Variants in STARD3 observed in about 807,000 individuals in gnomAD.
STARD3 encodes StAR related lipid transfer domain containing 3.
In STARD3, 39 loss-of-function variants were observed where a neutral mutation model predicts 62.0. The ratio of observed to expected loss-of-function variants is 0.63; its 90% CI spans 0.49 to 0.82. The LOEUF (loss-of-function observed/expected upper bound fraction) is 0.82. Ranked by LOEUF, STARD3 falls within the 40% of genes least tolerant of loss-of-function variation. STARD3 has a pLI of 0.00. For synonymous variants in STARD3, 229 were observed against 242.4 expected (o/e 0.94, Z 0.51); for missense variants, 543 against 584.5 (o/e 0.93, Z 0.73).
Position 39,663,485 on chromosome 17 carries a change from T to G in STARD3, c.*577T>G. ...ACATGAATTTAAAAAAAAAAAAAAA[T>G]TCCAGCCCCTCCCACTGCCTTGCCT... On this transcript the variant is annotated 3_prime_UTR_variant, in exon 15 of 15. Coordinates refer to ENST00000336308, the MANE Select transcript of STARD3 (RefSeq NM_006804.4). 6.5e-6 allele frequency: 1 copy of G among 153,600 alleles called. No homozygotes were observed. Among genetic ancestry groups the G allele is most frequent in the Non-Finnish European group, 1.4e-5 (1 of 69,836 alleles). The allele number at this position is 153,600 out of a possible 1,614,324, so 9.5% of individuals were successfully genotyped here.
chr17:39,657,605 GCAAGGTTACATCC>G (rs1228150857), intron 3 of STARD3, among the ~76,000 whole-genome samples, 157 bp from the exon 4 acceptor site: 1 of 151,986 alleles, frequency 6.6e-6, no homozygotes, highest in African/African-American at 2.4e-5. Flanking sequence ...AGACCCCTGT[GCAAGGTTACATCC>G]AAATTGTCCC....
intron 1 of STARD3, among the ~76,000 whole-genome samples, chr17:39,645,973 C>G (rs1012051078): frequency 6.8e-6 from 1 of 146,120 alleles, no homozygotes; most frequent in East Asian, 2.1e-4. Context: ...CTCACTGCAA[C>G]CTTCGCCCCT....
chr17:39,659,232 G>T (rs2057167397), intron 8 of STARD3, 126 bp downstream of exon 8: 4 of 1,257,144 alleles, frequency 3.2e-6, no homozygotes, highest in Non-Finnish European at 4.5e-6. Context: ...ATGCCCATCC[G>T]AGTGTCTCCC....
intron 1 of STARD3, among the ~76,000 whole-genome samples, chr17:39,647,887 G>C (rs1346867798): frequency 6.6e-6 from 1 of 152,196 alleles, no homozygotes; most frequent in Non-Finnish European, 1.5e-5. Context: ...GCTCATGCCT[G>C]TAATCCCAGT....
Position 39,660,721 on chromosome 17 carries a change from T to C in STARD3, c.955-89T>C. 4 of 1,469,352 alleles carry C rather than the reference T, an allele frequency of 2.7e-6. No individual in the cohort carries two copies. The highest frequency in any genetic ancestry group is 2.3e-5 in the East Asian group (1 of 43,906). The allele number at this position is 1,469,352 out of a possible 1,614,324, so 91.0% of individuals were successfully genotyped here. ...GCTGCCCAGGGCCTGCCTGTGGCAATAGCAGTTAGTAAAGGGGCCTGGGGT... is the reference window on the plus strand; with the variant it reads ...GCTGCCCAGGGCCTGCCTGTGGCAACAGCAGTTAGTAAAGGGGCCTGGGGT... On this transcript the variant is annotated intron_variant, in intron 11 of 14. Transcript: ENST00000336308. The surrounding 1 kb of genome is among the most constrained non-coding windows in gnomAD (Gnocchi z 4.8).
intron 2 of STARD3, among the ~76,000 whole-genome samples, chr17:39,656,352 T>A (rs564764939): frequency 6.6e-6 from 1 of 152,222 alleles, no homozygotes; most frequent in East Asian, 1.9e-4. Context: ...CAGGTCGCAG[T>A]CTGGCCTGGT....
intron 1 of STARD3, among the ~76,000 whole-genome samples, chr17:39,643,848 G>C (rs1392530582): frequency 1.3e-5 from 2 of 152,220 alleles, no homozygotes; most frequent in African/African-American, 4.8e-5. Context: ...ATCTCTTCTA[G>C]GCCATTGCAT....
At chr17:39,643,445 G>T (rs2056998079) in intron 1 of STARD3, among the ~76,000 whole-genome samples, 1 of 152,156 alleles carries the variant, frequency 6.6e-6, no homozygotes, top group South Asian at 2.1e-4. Flanking sequence ...CAGCTTCTGG[G>T]AAGGGGTGTG....
chr17:39,659,582 C>G (rs1352837028), intron 9 of STARD3, 29 bp downstream of exon 9: 1 of 1,605,150 alleles, frequency 6.2e-7, no homozygotes, highest in African/African-American at 1.3e-5. Context: ...CCTGACCTTC[C>G]CATGCGTGTT....
intron 13 of STARD3, chr17:39,661,365 A>G (rs1380194761): frequency 6.2e-6 from 3 of 484,548 alleles, no homozygotes; most frequent in East Asian, 7.6e-5. Context: ...GGACCCGTGC[A>G]GGGAAGGGGC....
At chr17:39,648,115 C>T (rs532424667) in intron 1 of STARD3, among the ~76,000 whole-genome samples, 8 of 152,022 alleles carry the variant, frequency 5.3e-5, no homozygotes, top group Middle Eastern at 3.4e-3. Context: ...GAAACCCCAT[C>T]TCCACTAAAA....
At chr17:39,640,560 G>A (rs1001998724) in intron 1 of STARD3, among the ~76,000 whole-genome samples, 1 of 151,168 alleles carries the variant, frequency 6.6e-6, no homozygotes, top group Non-Finnish European at 1.5e-5. Context: ...TTCTTGAGAG[G>A]GCTGAGATCT....
Position 39,662,961 on chromosome 17 carries a change from G to A in STARD3, c.*53G>A. 6.5e-7 allele frequency: 1 copy of A among 1,544,178 alleles called. No individual in the cohort carries two copies. The highest frequency in any genetic ancestry group is 8.8e-7 in the Non-Finnish European group (1 of 1,137,908). Reference sequence around the variant, plus strand: ...GGGTCCTGTCGCCACCACTTCCAGAGCCAGAAAGGGTGCCAGTTGGGCTCG... The same window carrying A: ...GGGTCCTGTCGCCACCACTTCCAGAACCAGAAAGGGTGCCAGTTGGGCTCG... On this transcript the variant is annotated 3_prime_UTR_variant, in exon 15 of 15. Transcript: ENST00000336308.
At chr17:39,640,494 C>T (rs1376109960) in intron 1 of STARD3, among the ~76,000 whole-genome samples, 1 of 152,104 alleles carries the variant, frequency 6.6e-6, no homozygotes, top group Non-Finnish European at 1.5e-5. Flanking sequence ...CTGAAACCGG[C>T]TCCCTTCCAT....
chr17:39,644,326 G>A (rs2057005887), intron 1 of STARD3, among the ~76,000 whole-genome samples: 1 of 152,148 alleles, frequency 6.6e-6, no homozygotes, highest in Non-Finnish European at 1.5e-5. Context: ...AGGAGGTGGG[G>A]AAGAGCCAGG....
intron 1 of STARD3, among the ~76,000 whole-genome samples, chr17:39,649,339 T>C (rs981391246): frequency 1.3e-5 from 2 of 152,186 alleles, no homozygotes; most frequent in Admixed American, 1.3e-4. Context: ...ATATATGCGC[T>C]CAAGGTTATT....
chr17:39,653,332 G>C, intron 1 of STARD3, 149 bp from the exon 2 acceptor site: 1 of 613,618 alleles, frequency 1.6e-6, no homozygotes, highest in Non-Finnish European at 2.9e-6. Flanking sequence ...AGCCAGGCTG[G>C]TGGAGGACAT....
At chr17:39,651,020 G>T (rs1417896423) in intron 1 of STARD3, among the ~76,000 whole-genome samples, 1 of 152,232 alleles carries the variant, frequency 6.6e-6, no homozygotes, top group African/African-American at 2.4e-5. Context: ...CACAGATCTG[G>T]CTGATAGATG....
Position 39,662,988 on chromosome 17 carries a change from A to G in STARD3, c.*80A>G, listed in dbSNP as rs2934961. On this transcript the variant is annotated 3_prime_UTR_variant, in exon 15 of 15. Coordinates refer to ENST00000336308, the MANE Select transcript of STARD3 (RefSeq NM_006804.4). ...CAGAAAGGGTGCCAGTTGGGCTCGC[A>G]CTGCCCACATGGGACCTGGCCCCAG... 76,106 of 1,394,126 alleles carry G rather than the reference A, an allele frequency of 0.055. 2,497 individuals carry two copies. The highest frequency in any genetic ancestry group is 0.069 in the African/African-American group (4,815 of 69,584). 86.4% of individuals were successfully genotyped at this position (1,394,126 alleles called of 1,614,324 possible). A position where few individuals can be genotyped will look rare whatever the true frequency, so the allele number is the denominator to read the frequency against.
Sources: allele counts gnomAD v4.1 joint callset (sites outside exome capture counted in the v4.1 genomes callset), GRCh38; gene constraint gnomAD v4.1.1; non-coding constraint Gnocchi (gnomAD v3.1); transcripts MANE v1.5; gene names NCBI Gene and HGNC (gene_info 2026-07-23, HGNC 2026-07-21).